DAB1: variants seen among roughly 807,000 people sequenced by gnomAD.
DAB1 encodes the protein disabled homolog 1.
Under a neutral mutation model 64.6 loss-of-function variants are expected in DAB1, and 15 were observed. The observed-to-expected ratio is 0.23, with a 90% confidence interval of 0.16 to 0.36. The LOEUF (loss-of-function observed/expected upper bound fraction) is 0.36, where lower values mean the gene tolerates loss of function less well. DAB1 is among the 10% of genes least tolerant of loss of function. The pLI, the probability that DAB1 is intolerant of heterozygous loss-of-function variation, is 1.00. For missense variants in DAB1, 596 were observed against 706.7 expected (o/e 0.84, Z 1.78); for synonymous variants, 235 against 251.9 (o/e 0.93, Z 0.64).
intron 3 of DAB1, among the ~76,000 whole-genome samples, chr1:58,467,523 T>A (rs1645308537): frequency 6.6e-6 from 1 of 152,200 alleles, no homozygotes; most frequent in South Asian, 2.1e-4. Context: ...GAGAGTCTTC[T>A]TTCTTAGAGC....
intron 2 of DAB1, among the ~76,000 whole-genome samples, chr1:57,244,935 G>T (rs964086267): frequency 1.3e-5 from 2 of 152,218 alleles, no homozygotes; most frequent in Non-Finnish European, 2.9e-5. Context: ...TCAGGGGACG[G>T]TACTGGTAGG....
intron 5 of DAB1, among the ~76,000 whole-genome samples, chr1:58,072,964 G>T (rs951929820): frequency 5.3e-5 from 8 of 152,146 alleles, no homozygotes; most frequent in African/African-American, 1.9e-4. Context: ...CTATAGTGCA[G>T]CATAATGAAA....
At chr1:57,829,038 C>A (rs852778) in intron 1 of DAB1, among the ~76,000 whole-genome samples, 91,449 of 151,874 alleles carry the variant, frequency 0.6, 27,786 homozygotes, top group African/African-American at 0.68. Context: ...AGCCTAGTAG[C>A]GCACTCTTTT....
chr1:57,131,978 C>A (rs1265156746), intron 4 of DAB1, among the ~76,000 whole-genome samples: 2 of 152,238 alleles, frequency 1.3e-5, no homozygotes, highest in Admixed American at 6.5e-5. Flanking sequence ...TACAGGTACC[C>A]AATATTTCCT....
intron 4 of DAB1, among the ~76,000 whole-genome samples, chr1:58,264,320 C>T (rs1202441982): frequency 6.6e-6 from 1 of 152,122 alleles, no homozygotes; most frequent in Admixed American, 6.6e-5. Flanking sequence ...TTCTTAGAGA[C>T]CCCCAATAAA....
intron 1 of DAB1, among the ~76,000 whole-genome samples, chr1:57,393,136 G>A (rs1479481634): frequency 6.6e-6 from 1 of 152,130 alleles, no homozygotes; most frequent in South Asian, 2.1e-4. Context: ...TTTCCTCTCT[G>A]TGTGACCTGA....
In DAB1 at chr1:58,499,589, G is replaced by A. The variant is rs1044586165; in HGVS notation, n.257+6471C>T. Among the ~76,000 whole-genome samples, 5 of 152,012 alleles carry A rather than the reference G, an allele frequency of 3.3e-5. No homozygotes were observed. In the East Asian group the frequency reaches 7.7e-4, roughly 23 times the overall value. ...TTCTGGAGATCTACTACACAGCATT[G>A]TTACTACAGTTAATAAAAATGTACT... On this transcript the variant is annotated intron_variant and non_coding_transcript_variant, in intron 3 of 20. Transcript: ENST00000485760.
chr1:57,351,930 A>G (rs1045805086), intron 1 of DAB1, among the ~76,000 whole-genome samples: 1 of 152,192 alleles, frequency 6.6e-6, no homozygotes, highest in African/African-American at 2.4e-5. Context: ...GTCATTTTCT[A>G]GGAGGCCTAG....
chr1:58,055,421 A>G (rs1647990265), intron 5 of DAB1, among the ~76,000 whole-genome samples: 1 of 151,484 alleles, frequency 6.6e-6, no homozygotes, highest in Non-Finnish European at 1.5e-5. Context: ...ATTCTACTCT[A>G]TTTCCATTTG....
intron 3 of DAB1, among the ~76,000 whole-genome samples, chr1:58,368,964 T>C (rs527705390): frequency 4.9e-4 from 74 of 152,232 alleles, no homozygotes; most frequent in Non-Finnish European, 9.7e-4. Flanking sequence ...AAGGCTGCAG[T>C]GAGCTGTGAT....
intron 5 of DAB1, among the ~76,000 whole-genome samples, chr1:57,912,866 C>G (rs1444889335): frequency 1.3e-5 from 2 of 152,038 alleles, no homozygotes; most frequent in African/African-American, 4.8e-5. Flanking sequence ...GACTAAAATA[C>G]CTAGGAATCC....
At chr1:57,617,651 AG>A (rs1645805018) in intron 7 of DAB1, among the ~76,000 whole-genome samples, 1 of 152,168 alleles carries the variant, frequency 6.6e-6, no homozygotes. Context: ...AAGATCTCTA[AG>A]GTCCCTTGCT....
chr1:58,030,528 T>C (rs1646957070), intron 5 of DAB1, among the ~76,000 whole-genome samples: 1 of 152,220 alleles, frequency 6.6e-6, no homozygotes, highest in Non-Finnish European at 1.5e-5. Flanking sequence ...AACCGGTCAC[T>C]GATCTGTAAA....
At chr1:57,114,546 T>C (rs1655943060) in intron 4 of DAB1, among the ~76,000 whole-genome samples, 1 of 152,152 alleles carries the variant, frequency 6.6e-6, no homozygotes, top group Non-Finnish European at 1.5e-5. Flanking sequence ...TGTTGCAAAA[T>C]GGGGCTCTGA....
intron 11 of DAB1, among the ~76,000 whole-genome samples, chr1:57,019,958 G>A (rs773579197): frequency 1.3e-5 from 2 of 152,212 alleles, no homozygotes; most frequent in South Asian, 2.1e-4. Context: ...CACTAAAAAC[G>A]AAGGAACTCC....
At chr1:57,893,688 A>T (rs1557541341) in intron 5 of DAB1, among the ~76,000 whole-genome samples, 1 of 152,174 alleles carries the variant, frequency 6.6e-6, no homozygotes, top group Non-Finnish European at 1.5e-5. Context: ...CTAGTCAGAC[A>T]TAAACAGGGC....
intron 3 of DAB1, among the ~76,000 whole-genome samples, chr1:58,407,215 A>T (rs1250474856): frequency 6.6e-6 from 1 of 151,970 alleles, no homozygotes; most frequent in Non-Finnish European, 1.5e-5. Flanking sequence ...TCTTTGTCAG[A>T]TTTCTGTGCT....
At chr1:57,725,040 G>A (rs1350909561) in intron 6 of DAB1, among the ~76,000 whole-genome samples, 4 of 152,196 alleles carry the variant, frequency 2.6e-5, no homozygotes, top group South Asian at 4.1e-4. Context: ...ATGTAAACTC[G>A]GTGCCAGGAG....
intron 5 of DAB1, among the ~76,000 whole-genome samples, chr1:58,013,241 G>A (rs1375904686): frequency 6.6e-6 from 1 of 152,172 alleles, no homozygotes; most frequent in Non-Finnish European, 1.5e-5. Context: ...ATTCTAAAAT[G>A]AAGATAATAG....
Sources: allele counts gnomAD v4.1 joint callset (sites outside exome capture counted in the v4.1 genomes callset), GRCh38; gene constraint gnomAD v4.1.1; transcripts MANE v1.5; gene names NCBI Gene and HGNC (gene_info 2026-07-23, HGNC 2026-07-21).